The following UBAP2L variants were observed in gnomAD, a reference collection of about 807,000 sequenced individuals.
UBAP2L encodes ubiquitin-associated protein 2-like.
A neutral mutation model predicts 130.6 loss-of-function variants in UBAP2L; 12 were observed. That is an observed-to-expected ratio of 0.09 (90% CI 0.06 to 0.15). UBAP2L has a LOEUF of 0.15. Among genes scored for constraint, UBAP2L ranks in the 10% least tolerant of loss-of-function variants. The pLI, the probability that UBAP2L is intolerant of heterozygous loss-of-function variation, is 1.00. For missense variants in UBAP2L, 965 were observed against 1,332.5 expected (o/e 0.72, Z 4.29); for synonymous variants, 503 against 524.7 (o/e 0.96, Z 0.57).
In UBAP2L at chr1:154,254,068, A is replaced by G; in HGVS notation, c.1833A>G (p.Gln611=). The change falls in exon 15 of 27, where the codon CAA becomes CAG. Residue 611 remains glutamine, a synonymous_variant. Transcript: ENST00000428931. The stretch of plus-strand genomic sequence containing the variant: ...CCAGCTCCATCTCTTCATCACCCCA[A>G]AAGGACCTGACTCAGGCAAAGGTAG... ...RYPSSISSSP[Q]KDLTQAKNGF... 1 of 1,580,460 alleles carries G rather than the reference A, an allele frequency of 6.3e-7. No homozygotes were observed. The highest frequency in any genetic ancestry group is 2.3e-5 in the East Asian group (1 of 43,312).
At chr1:154,268,721 C>A (rs1428307715) in intron 25 of UBAP2L, 36 bp from the exon 26 acceptor site, 2 of 1,604,362 alleles carry the variant, frequency 1.2e-6, no homozygotes, top group South Asian at 2.2e-5. Flanking sequence ...GTTTGCTGAT[C>A]CCTTTTACTC....
chr1:154,237,371 A>G (rs534506666), intron 8 of UBAP2L, among the ~76,000 whole-genome samples: 1 of 152,332 alleles, frequency 6.6e-6, no homozygotes, highest in African/African-American at 2.4e-5. Context: ...ATTATTTATC[A>G]TCACTTTCCA....
chr1:154,255,411 G>A, intron 17 of UBAP2L, 85 bp downstream of exon 17: 1 of 1,523,348 alleles, frequency 6.6e-7, no homozygotes, highest in Non-Finnish European at 8.9e-7. Flanking sequence ...TGACCTGGCA[G>A]AGACCACATT....
intron 14 of UBAP2L, among the ~76,000 whole-genome samples, chr1:154,253,197 T>C (rs762436213): frequency 6.6e-6 from 1 of 151,716 alleles, no homozygotes; most frequent in South Asian, 2.1e-4. Flanking sequence ...AGAGACAAGG[T>C]TTCGCCATGT....
intron 26 of UBAP2L, chr1:154,269,507 C>T: frequency 9.3e-7 from 1 of 1,071,496 alleles, no homozygotes; most frequent in Non-Finnish European, 1.3e-6. Context: ...ACTGCGCGGT[C>T]ACAAATCGGG....
At chr1:154,267,151 G>GC (rs371688200) in intron 25 of UBAP2L, among the ~76,000 whole-genome samples, 1 of 108,622 alleles carries the variant, frequency 9.2e-6, no homozygotes, top group Non-Finnish European at 1.9e-5. Context: ...TATCCAACGA[G>GC]TTTTTTTTTT....
At chr1:154,247,956 T>C (rs1018165973) in intron 11 of UBAP2L, among the ~76,000 whole-genome samples, 1 of 151,672 alleles carries the variant, frequency 6.6e-6, no homozygotes, top group East Asian at 1.9e-4. Context: ...TAATTGTTTT[T>C]ATTTTTTATT....
intron 4 of UBAP2L, among the ~76,000 whole-genome samples, chr1:154,233,853 C>T (rs1414934346): frequency 6.6e-6 from 1 of 151,310 alleles, no homozygotes; most frequent in Non-Finnish European, 1.5e-5. Flanking sequence ...GGGTCACTGA[C>T]TCCGAAGGAA....
intron 10 of UBAP2L, among the ~76,000 whole-genome samples, chr1:154,244,398 C>T (rs1287099594): frequency 2.6e-5 from 4 of 152,110 alleles, no homozygotes; most frequent in South Asian, 2.1e-4. Flanking sequence ...TGAGACGAGA[C>T]GGAGTCTTGT....
At position 154,248,364 on chromosome 1, in the gene UBAP2L, T is replaced by G. The variant is rs953865028; in HGVS notation, c.1015-875T>G. 2.6e-5 allele frequency among the ~76,000 whole-genome samples: 4 copies of G among 152,212 alleles called. No individual in the cohort carries two copies. In the East Asian group the frequency reaches 5.8e-4, roughly 22 times the overall value. ...TCTAGTGCAGAAGTTGGGATGCCCTTTAACTTTTCCTTTTTGCCTCTGTGC... is the reference window on the plus strand; with the variant it reads ...TCTAGTGCAGAAGTTGGGATGCCCTGTAACTTTTCCTTTTTGCCTCTGTGC... On this transcript the variant is annotated intron_variant, in intron 11 of 26. Coordinates refer to ENST00000428931, the MANE Select transcript of UBAP2L (RefSeq NM_014847.4).
chr1:154,259,933 T>C lies in UBAP2L; in HGVS notation c.2497-15T>C, dbSNP rs1483359049. ...GTGACATTGAATCTCTGCTCTTTTT[T>C]CCCCTCTTTTCTAGGATTACTACAG... On this transcript the variant is annotated splice_polypyrimidine_tract_variant and intron_variant, in intron 21 of 26. Coordinates refer to ENST00000428931, the MANE Select transcript of UBAP2L (RefSeq NM_014847.4). 2 of 1,612,332 alleles carry C rather than the reference T, an allele frequency of 1.2e-6. No homozygotes were observed. The highest frequency in any genetic ancestry group is 1.7e-5 in the Admixed American group (1 of 60,006).
chr1:154,253,801 A>G, intron 14 of UBAP2L, 99 bp from the exon 15 acceptor site: 1 of 1,246,738 alleles, frequency 8.0e-7, no homozygotes, highest in Non-Finnish European at 1.1e-6. Flanking sequence ...TTCTTGATTC[A>G]AATCAAGTTA....
At chr1:154,229,573 C>T (rs950068206) in intron 4 of UBAP2L, among the ~76,000 whole-genome samples, 5 of 152,064 alleles carry the variant, frequency 3.3e-5, no homozygotes, top group Non-Finnish European at 5.9e-5. Context: ...AGGTGATCCT[C>T]CTACTTCAGC....
At chr1:154,224,459 T>A (rs1413961820) in intron 1 of UBAP2L, among the ~76,000 whole-genome samples, 1 of 152,166 alleles carries the variant, frequency 6.6e-6, no homozygotes, top group Non-Finnish European at 1.5e-5. Flanking sequence ...ACGTACCCTG[T>A]TGAAGGCTGT....
chr1:154,260,341 C>T (rs189782736), intron 22 of UBAP2L, among the ~76,000 whole-genome samples: 2 of 152,124 alleles, frequency 1.3e-5, no homozygotes, highest in East Asian at 1.9e-4. Context: ...GACCCCATCT[C>T]CAAAAAAAGT....
intron 4 of UBAP2L, among the ~76,000 whole-genome samples, chr1:154,234,060 C>A (rs549917729): frequency 1.3e-5 from 2 of 152,110 alleles, no homozygotes; most frequent in East Asian, 3.9e-4. Context: ...CTTGGTGGCT[C>A]ACGTCTGTAA....
intron 11 of UBAP2L, among the ~76,000 whole-genome samples, chr1:154,248,362 C>T (rs1025007997): frequency 6.6e-6 from 1 of 152,164 alleles, no homozygotes; most frequent in African/African-American, 2.4e-5. Context: ...TTGGGATGCC[C>T]TTTAACTTTT....
chr1:154,220,283 A>T, upstream of UBAP2L: 2 of 1,594,962 alleles, frequency 1.3e-6, no homozygotes, highest in South Asian at 1.1e-5. Flanking sequence ...ACAGCTCAAA[A>T]GGAGGGTCTC....
Position 154,270,770 on chromosome 1 carries a change from GT to G in UBAP2L, c.*491del, listed in dbSNP as rs370017648. 14,380 of 901,728 alleles carry G rather than the reference GT, an allele frequency of 0.016. 43 individuals carry two copies. Among genetic ancestry groups the G allele is most frequent in the African/African-American group, 0.097 (4,000 of 41,416 alleles). The allele number at this position is 901,728 out of a possible 1,614,324, so 55.9% of individuals were successfully genotyped here. A position where few individuals can be genotyped will look rare whatever the true frequency, so the allele number is the denominator to read the frequency against. On this transcript the variant is annotated 3_prime_UTR_variant, in exon 27 of 27. Transcript: ENST00000428931. ...AATTAGTTGAAGTGGTTTTTTTTTT[GT>G]TTTTTTTTTTTTTTTGTACTGTGTC...
Sources: allele counts gnomAD v4.1 joint callset (sites outside exome capture counted in the v4.1 genomes callset), GRCh38; gene constraint gnomAD v4.1.1; transcripts MANE v1.5; gene names NCBI Gene and HGNC (gene_info 2026-07-23, HGNC 2026-07-21).